Variants in XRN1 observed in about 807,000 individuals in gnomAD.
XRN1 encodes the protein 5'-3' exoribonuclease 1.
In XRN1, 67 loss-of-function variants were observed where a neutral mutation model predicts 222.3. That is an observed-to-expected ratio of 0.30 (90% CI 0.25 to 0.37). The LOEUF (loss-of-function observed/expected upper bound fraction) is 0.37. Among genes scored for constraint, XRN1 ranks in the 10% least tolerant of loss-of-function variants. The probability of loss-of-function intolerance (pLI) is 1.00; values close to 1 mark genes in which losing one functional copy is unlikely to be tolerated. For missense variants in XRN1, 1,707 were observed against 2,000.2 expected, an observed-to-expected ratio of 0.85 and a Z score of 2.80; for synonymous variants, 643 against 652.4, an observed-to-expected ratio of 0.99 and a Z score of 0.22.
intron 39 of XRN1, among the ~76,000 whole-genome samples, chr3:142,314,951 G>GTT (rs1204432176): frequency 0.016 from 1,454 of 88,618 alleles, 69 homozygotes; most frequent in African/African-American, 0.027. Context: ...TCTGTCGTCT[G>GTT]TTTTTTTTTT....
At chr3:142,419,276 G>A (rs1454757143) in intron 10 of XRN1, among the ~76,000 whole-genome samples, 1 of 151,916 alleles carries the variant, frequency 6.6e-6, no homozygotes, top group African/African-American at 2.4e-5. Context: ...GGTAAGTTTT[G>A]TGTGTACAGG....
chr3:142,329,627 G>T lies in XRN1; in HGVS notation c.4223-12C>A. ...GTTCATATAAGATGCTACCAAAAAA[G>T]AGAAAAGAGTCTATCTTTATTAATA... On this transcript the variant is annotated splice_polypyrimidine_tract_variant and intron_variant, in intron 36 of 40. Coordinates refer to ENST00000392981, the MANE Select transcript of XRN1 (RefSeq NM_001282857.2). 1 of 1,527,470 alleles carries T rather than the reference G, an allele frequency of 6.5e-7. No individual in the cohort carries two copies. The highest frequency in any genetic ancestry group is 8.7e-7 in the Non-Finnish European group (1 of 1,149,614). 94.6% of individuals were successfully genotyped at this position (1,527,470 alleles called of 1,614,324 possible).
At chr3:142,379,371 G>C (rs1442798757) in intron 23 of XRN1, among the ~76,000 whole-genome samples, 1 of 152,158 alleles carries the variant, frequency 6.6e-6, no homozygotes, top group East Asian at 1.9e-4. Flanking sequence ...ATCAAGTGTA[G>C]GAGAAGAATA....
intron 15 of XRN1, among the ~76,000 whole-genome samples, chr3:142,412,151 G>A (rs1490270909): frequency 6.6e-6 from 1 of 152,074 alleles, no homozygotes; most frequent in African/African-American, 2.4e-5. Context: ...GTCCTCTTGT[G>A]TTATTAATTC....
chr3:142,336,803 T>C (rs1237754947), intron 33 of XRN1, among the ~76,000 whole-genome samples: 1 of 152,202 alleles, frequency 6.6e-6, no homozygotes. Flanking sequence ...ATAGTTTACA[T>C]ACATTTATGT....
At chr3:142,408,207 T>C (rs1421863390) in intron 15 of XRN1, among the ~76,000 whole-genome samples, 1 of 152,212 alleles carries the variant, frequency 6.6e-6, no homozygotes, top group Non-Finnish European at 1.5e-5. Flanking sequence ...GTCAACACTA[T>C]CTTCACACCA....
intron 20 of XRN1, among the ~76,000 whole-genome samples, chr3:142,393,989 G>C (rs2067834462): frequency 6.6e-6 from 1 of 152,082 alleles, no homozygotes; most frequent in Non-Finnish European, 1.5e-5. Flanking sequence ...GCCATGCCCA[G>C]CTAATTTTTG....
chr3:142,318,753 T>A (rs1196621989), intron 38 of XRN1, 37 bp downstream of exon 38: 1 of 1,611,682 alleles, frequency 6.2e-7, no homozygotes, highest in Non-Finnish European at 8.5e-7. Context: ...TAGGGACTAA[T>A]AAAAATTTTA....
chr3:142,444,747 G>T (rs2070425630), intron 1 of XRN1, among the ~76,000 whole-genome samples: 2 of 152,036 alleles, frequency 1.3e-5, no homozygotes, highest in Non-Finnish European at 2.9e-5. Context: ...TGAGTGGATG[G>T]ATACTCCATT....
chr3:142,435,625 C>T (rs182173691), intron 1 of XRN1, among the ~76,000 whole-genome samples: 6 of 151,342 alleles, frequency 4.0e-5, no homozygotes, highest in Admixed American at 2.6e-4. Flanking sequence ...TGGGTGGTGG[C>T]GCATGCCTGT....
At chr3:142,442,934 C>T (rs2070301114) in intron 1 of XRN1, among the ~76,000 whole-genome samples, 1 of 152,040 alleles carries the variant, frequency 6.6e-6, no homozygotes. Context: ...GGGGTTTCAC[C>T]GTGTTAGCCA....
At chr3:142,379,853 C>A (rs189525750) in intron 23 of XRN1, among the ~76,000 whole-genome samples, 2 of 149,934 alleles carry the variant, frequency 1.3e-5, no homozygotes, top group African/African-American at 5.1e-5. Flanking sequence ...CCATAACAAT[C>A]ACTATGGATT....
At chr3:142,431,855 ATT>A (rs2069549093) in intron 2 of XRN1, among the ~76,000 whole-genome samples, 1 of 37,636 alleles carries the variant, frequency 2.7e-5, no homozygotes, top group Non-Finnish European at 4.4e-5. Context: ...AAATATATAT[ATT>A]ATATATAATA....
At chr3:142,360,346 G>A (rs145672689) in intron 29 of XRN1, among the ~76,000 whole-genome samples, 48 of 152,148 alleles carry the variant, frequency 3.2e-4, no homozygotes, top group Admixed American at 6.5e-4. Flanking sequence ...ATTCACCCAC[G>A]TAAACATGTG....
intron 20 of XRN1, among the ~76,000 whole-genome samples, chr3:142,392,116 A>G (rs891117146): frequency 9.9e-5 from 15 of 152,020 alleles, no homozygotes; most frequent in Middle Eastern, 3.4e-3. Context: ...GTTTGTTTTC[A>G]TACCATGCAC....
intron 33 of XRN1, among the ~76,000 whole-genome samples, chr3:142,344,266 G>A (rs1213538192): frequency 6.6e-6 from 1 of 151,994 alleles, no homozygotes; most frequent in Non-Finnish European, 1.5e-5. Context: ...AAATGCTTGA[G>A]GTGATGAATA....
intron 1 of XRN1, among the ~76,000 whole-genome samples, chr3:142,434,798 T>C (rs2069798367): frequency 6.6e-6 from 1 of 152,016 alleles, no homozygotes; most frequent in Non-Finnish European, 1.5e-5. Context: ...AAAGGAAATT[T>C]GCCCTAGATA....
chr3:142,371,871 C>T (rs1017664366), intron 25 of XRN1, among the ~76,000 whole-genome samples: 2 of 152,050 alleles, frequency 1.3e-5, no homozygotes, highest in African/African-American at 4.8e-5. Flanking sequence ...AAATGAAGCA[C>T]GGTATCTGGT....
In XRN1 at chr3:142,388,742, C is replaced by T. The variant is rs143048121; in HGVS notation, c.2340-4057G>A. 2.0e-5 allele frequency among the ~76,000 whole-genome samples: 3 copies of T among 152,316 alleles called. No individual in the cohort carries two copies. In the East Asian group the frequency reaches 5.8e-4, roughly 29 times the overall value. On this transcript the variant is annotated intron_variant, in intron 20 of 40. Transcript: ENST00000392981. ...CAATGCTATTTTATAGCATTTTACC[C>T]ACAAGAGAAGTTCTTTCCAACTTGG...
Sources: gnomAD v4.1 joint callset for allele counts (sites outside exome capture counted in the v4.1 genomes callset) on GRCh38, gnomAD v4.1.1 for gene constraint, MANE v1.5 for transcripts, NCBI Gene and HGNC (gene_info 2026-07-23, HGNC 2026-07-21) for gene names.